Variants in ENPP1 observed in about 807,000 individuals in gnomAD.
ENPP1 encodes the protein ectonucleotide pyrophosphatase/phosphodiesterase 1.
ENPP1 carries 73 observed loss-of-function variants against 122.8 expected under a neutral mutation model. The ratio of observed to expected loss-of-function variants is 0.59; its 90% CI spans 0.49 to 0.72. The LOEUF is 0.72. Ranked by LOEUF, ENPP1 falls within the 30% of genes least tolerant of loss-of-function variation. The pLI is 0.00. For synonymous variants in ENPP1, 367 were observed against 391.6 expected (o/e 0.94, Z 0.74); for missense variants, 978 against 1,128.1 (o/e 0.87, Z 1.91).
At position 131,857,080 on chromosome 6, in the gene ENPP1, C is replaced by T. The variant is rs116537547; in HGVS notation, c.716-1588C>T. On this transcript the variant is annotated intron_variant, in intron 6 of 24. Transcript: ENST00000647893. ...CATTGAATCTGTAAATTACCTTGGGCAAATCAAAACCACTATGAGATACCA... is the reference window on the plus strand; with the variant it reads ...CATTGAATCTGTAAATTACCTTGGGTAAATCAAAACCACTATGAGATACCA... Among the ~76,000 whole-genome samples the T allele has an allele frequency of 4.5e-3, 687 of 152,122 alleles. 2 individuals are homozygous for T. Among genetic ancestry groups the T allele is most frequent in the African/African-American group, 0.015 (640 of 41,482 alleles).
chr6:131,874,453 A>G (rs971734642), intron 16 of ENPP1, 116 bp downstream of exon 16: 7 of 668,522 alleles, frequency 1.0e-5, no homozygotes, highest in Non-Finnish European at 1.8e-5. Flanking sequence ...AATGGAACAT[A>G]CTTTCATAAA....
chr6:131,845,043 G>GC (rs1781789396), intron 1 of ENPP1, among the ~76,000 whole-genome samples: 2 of 84,986 alleles, frequency 2.4e-5, no homozygotes, highest in South Asian at 3.9e-4. Context: ...ATTCTTCATG[G>GC]TTTTTTTTTT....
At chr6:131,827,518 A>G (rs762274520) in intron 1 of ENPP1, 17 of 624,712 alleles carry the variant, frequency 2.7e-5, no homozygotes, top group Non-Finnish European at 4.7e-5. Flanking sequence ...ACACACTGGT[A>G]GGCTTATATC....
rs1585852560 is a variant in ENPP1, at chr6:131,895,098, A to C, written c.*4587A>C. On this transcript the variant is annotated 3_prime_UTR_variant, in exon 25 of 25. Transcript: ENST00000647893. ...AGAGAGAGAGAAGAAAAGTGTACGG[A>C]ATATAATTGTCTCTAAGCTAAGAAA... 1 of 152,256 alleles carries C rather than the reference A, an allele frequency of 6.6e-6. No homozygotes were observed. The highest frequency in any genetic ancestry group is 2.4e-5 in the African/African-American group (1 of 41,460). 9.4% of individuals were successfully genotyped at this position (152,256 alleles called of 1,614,324 possible).
chr6:131,833,193 A>G (rs890859106), intron 1 of ENPP1, among the ~76,000 whole-genome samples: 3 of 151,980 alleles, frequency 2.0e-5, no homozygotes, highest in Non-Finnish European at 2.9e-5. Flanking sequence ...GAAAGAATCT[A>G]TTTCTCCTTA....
At position 131,864,919 on chromosome 6, in the gene ENPP1, A is replaced by G. The variant is rs138716236; in HGVS notation, c.1145A>G (p.Tyr382Cys). 2 of 1,602,336 alleles carry G rather than the reference A, an allele frequency of 1.2e-6. No homozygotes were observed. Among genetic ancestry groups the G allele is most frequent in the Non-Finnish European group, 1.7e-6 (2 of 1,169,400 alleles). The change falls in exon 11 of 25, where the codon TAT becomes TGT. Residue 382 changes from tyrosine to cysteine, a missense_variant. Tyr to Cys is a radical substitution (Grantham distance 194). Coordinates refer to ENST00000647893, the MANE Select transcript of ENPP1 (RefSeq NM_006208.3). Reference sequence around the variant, plus strand: ...GAACCAGATTCTTCAGGTCATTCATATGGACCAGTCAGCAGTGAAGTAAGT... The same window carrying G: ...GAACCAGATTCTTCAGGTCATTCATGTGGACCAGTCAGCAGTGAAGTAAGT... ...LEEPDSSGHS[Y>C]GPVSSEVIKA... is the part of the protein sequence containing the mutation.
At chr6:131,822,134 T>G (rs768318495) in intron 1 of ENPP1, among the ~76,000 whole-genome samples, 4 of 152,230 alleles carry the variant, frequency 2.6e-5, no homozygotes, top group Non-Finnish European at 5.9e-5. Context: ...CACGATTTAT[T>G]TGAATACCTT....
At chr6:131,857,918 T>C (rs1781970214) in intron 6 of ENPP1, among the ~76,000 whole-genome samples, 1 of 152,140 alleles carries the variant, frequency 6.6e-6, no homozygotes, top group African/African-American at 2.4e-5. Context: ...GTATATGAAG[T>C]TTAAAATAAA....
chr6:131,877,072 C>T lies in ENPP1; in HGVS notation c.1804C>T (p.Pro602Ser), dbSNP rs141248748. ...NHLLKNPVYT[P>S]KHPKEVHPLV... ...CCTTCTAAAGAATCCTGTTTATACG[C>T]CAAAGCATCCCAAAGAAGTGCACCC... The change falls in exon 18 of 25, where the codon CCA becomes TCA. Residue 602 changes from proline to serine, a missense_variant. Around this residue, in one of 3 missense-constraint regions of ENPP1, gnomAD observed 644 missense variants for 781.5 expected, o/e 0.82. Coordinates refer to ENST00000647893, the MANE Select transcript of ENPP1 (RefSeq NM_006208.3). 1.2e-6 allele frequency: 2 copies of T among 1,613,902 alleles called. No individual in the cohort carries two copies. The highest frequency in any genetic ancestry group is 1.7e-6 in the Non-Finnish European group (2 of 1,179,968).
intron 23 of ENPP1, 103 bp downstream of exon 23, chr6:131,885,166 A>ACACATAAACATACGACAC: frequency 1.9e-6 from 2 of 1,080,344 alleles, no homozygotes; most frequent in Non-Finnish European, 2.8e-6. Context: ...CCAGTGTCGT[A>ACACATAAACATACGACAC]TGTTTATGTG....
chr6:131,850,678 C>T (rs113992533), intron 3 of ENPP1, among the ~76,000 whole-genome samples: 5 of 152,290 alleles, frequency 3.3e-5, no homozygotes, highest in African/African-American at 1.2e-4. Flanking sequence ...AAGAGATCCT[C>T]CTGCCTCAGC....
chr6:131,838,443 G>GA (rs1289102426), intron 1 of ENPP1, among the ~76,000 whole-genome samples: 1 of 151,840 alleles, frequency 6.6e-6, no homozygotes, highest in Non-Finnish European at 1.5e-5. Context: ...AAGCTGAGAA[G>GA]AAAAAATGCA....
intron 15 of ENPP1, 76 bp from the exon 16 acceptor site, chr6:131,874,192 T>C (rs1454343110): frequency 1.1e-6 from 1 of 931,958 alleles, no homozygotes; most frequent in Non-Finnish European, 1.8e-6. Context: ...TTTTAATCAA[T>C]GAAAATAATG....
At chr6:131,815,435 A>G (rs76091177) in intron 1 of ENPP1, among the ~76,000 whole-genome samples, 2,354 of 152,168 alleles carry the variant, frequency 0.015, 67 homozygotes, top group African/African-American at 0.054. Context: ...CTTTTTCACC[A>G]TTTGTAGCTC....
chr6:131,860,658 C>A, intron 8 of ENPP1, 152 bp downstream of exon 8: 1 of 639,178 alleles, frequency 1.6e-6, no homozygotes, highest in South Asian at 1.9e-5. Flanking sequence ...TGCTGATAAT[C>A]CTAAACATAA....
intron 1 of ENPP1, among the ~76,000 whole-genome samples, chr6:131,819,389 A>G (rs528621080): frequency 6.6e-6 from 1 of 152,336 alleles, no homozygotes; most frequent in African/African-American, 2.4e-5. Context: ...TTTATAAATG[A>G]GAACAAATTA....
intron 20 of ENPP1, among the ~76,000 whole-genome samples, chr6:131,881,902 C>G (rs1016466253): frequency 6.6e-6 from 1 of 152,036 alleles, no homozygotes; most frequent in African/African-American, 2.4e-5. Flanking sequence ...GCCTGTAGTC[C>G]CAGCTACTCG....
At chr6:131,853,012 A>G (rs992537700) in intron 5 of ENPP1, among the ~76,000 whole-genome samples, 1 of 152,118 alleles carries the variant, frequency 6.6e-6, no homozygotes, top group Admixed American at 6.6e-5. Flanking sequence ...TCTTTGTTCC[A>G]TTTGAGGTCT....
chr6:131,857,220 A>G (rs1352925733), intron 6 of ENPP1, among the ~76,000 whole-genome samples: 4 of 150,290 alleles, frequency 2.7e-5, no homozygotes, highest in African/African-American at 9.9e-5. Context: ...AACTAGTTCA[A>G]CCATTGTGGA....
Sources: allele counts gnomAD v4.1 joint callset (sites outside exome capture counted in the v4.1 genomes callset), GRCh38; gene constraint gnomAD v4.1.1; regional missense constraint gnomAD v4.1.1; transcripts MANE v1.5; gene names NCBI Gene and HGNC (gene_info 2026-07-23, HGNC 2026-07-21).